RASSF4: variants seen among roughly 807,000 people sequenced by gnomAD.
RASSF4 encodes the protein Ras association domain family member 4, also known as ras association domain-containing protein 4.
A neutral mutation model predicts 41.1 loss-of-function variants in RASSF4; 38 were observed. That is an observed-to-expected ratio of 0.92 (90% CI 0.71 to 1.21). The LOEUF (loss-of-function observed/expected upper bound fraction) is 1.21, where lower values mean the gene tolerates loss of function less well. RASSF4 is among the 50% of genes most tolerant of loss of function. The pLI is 0.00. For synonymous variants in RASSF4, 179 were observed against 163.4 expected, an observed-to-expected ratio of 1.10 and a Z score of -0.73; for missense variants, 414 against 419.4, an observed-to-expected ratio of 0.99 and a Z score of 0.11.
intron 3 of RASSF4, chr10:44,977,369 C>G (rs780815011): frequency 1.3e-6 from 2 of 1,546,322 alleles, no homozygotes; most frequent in Non-Finnish European, 1.7e-6. Context: ...ATGCTCTCTA[C>G]AGAAGCCTTT....
chr10:44,985,234 C>T (rs1441830646), intron 6 of RASSF4, among the ~76,000 whole-genome samples: 1 of 152,238 alleles, frequency 6.6e-6, no homozygotes, highest in Non-Finnish European at 1.5e-5. Flanking sequence ...CTGACCGTGT[C>T]TTCAATGAGG....
intron 3 of RASSF4, among the ~76,000 whole-genome samples, chr10:44,975,694 C>T (rs1841395223): frequency 6.7e-6 from 1 of 149,868 alleles, no homozygotes; most frequent in Non-Finnish European, 1.5e-5. Flanking sequence ...GGCCTCTCTG[C>T]AGGAGCTTGG....
intron 8 of RASSF4, 145 bp downstream of exon 8, chr10:44,989,866 C>T (rs1842047685): frequency 1.4e-6 from 1 of 724,554 alleles, no homozygotes; most frequent in Middle Eastern, 2.4e-4. Context: ...CACTGTGCCT[C>T]CCAGCATGAA....
intron 8 of RASSF4, 104 bp downstream of exon 8, chr10:44,989,825 T>C (rs569429196): frequency 5.7e-6 from 6 of 1,046,712 alleles, no homozygotes; most frequent in South Asian, 5.2e-5. Flanking sequence ...CCAGATGGGC[T>C]CCGTGCTGGC....
chr10:44,971,587 G>C, intron 2 of RASSF4, 186 bp from the exon 3 acceptor site: 2 of 692,656 alleles, frequency 2.9e-6, no homozygotes, highest in Non-Finnish European at 5.3e-6. Context: ...CCCCACCAGG[G>C]CCATGTGCAG....
intron 1 of RASSF4, among the ~76,000 whole-genome samples, chr10:44,969,828 C>T (rs1171218977): frequency 1.3e-5 from 2 of 152,212 alleles, no homozygotes; most frequent in African/African-American, 4.8e-5. Context: ...GAGGCAGAAG[C>T]CAGTAGTCAG....
chr10:44,976,325 A>C (rs958087894), intron 3 of RASSF4: 3 of 152,258 alleles, frequency 2.0e-5, no homozygotes, highest in African/African-American at 7.2e-5. Context: ...AAACACACTT[A>C]ACAGAAGACA....
Position 44,994,943 on chromosome 10 carries a change from T to C in RASSF4, c.*1614T>C, listed in dbSNP as rs1392773314. ...CCATGGAACACGCAGGCGTCACTGG[T>C]GGGAGCCTAGAGGTGACCTGGATGA... On this transcript the variant is annotated 3_prime_UTR_variant, in exon 11 of 11. Coordinates refer to ENST00000340258, the MANE Select transcript of RASSF4 (RefSeq NM_032023.4). The C allele has an allele frequency of 6.6e-6, 1 of 152,020 alleles. No individual in the cohort carries two copies. The highest frequency in any genetic ancestry group is 2.4e-5 in the African/African-American group (1 of 41,358). 9.4% of individuals were successfully genotyped at this position (152,020 alleles called of 1,614,324 possible).
intron 3 of RASSF4, chr10:44,982,251 G>A: frequency 2.0e-6 from 1 of 500,946 alleles, no homozygotes; most frequent in Non-Finnish European, 3.5e-6. Context: ...CCGGCCAGCA[G>A]CTGGCTTCCT....
intron 10 of RASSF4, among the ~76,000 whole-genome samples, chr10:44,992,614 C>T (rs1842158551): frequency 1.3e-5 from 2 of 152,116 alleles, no homozygotes; most frequent in African/African-American, 2.4e-5. Flanking sequence ...AAGTGTGGTC[C>T]AGGACTTGTG....
rs757150052 is a variant in RASSF4, at chr10:44,971,675, C to T, written c.63-98C>T. 4.3e-6 allele frequency: 4 copies of T among 919,734 alleles called. No homozygotes were observed. In the East Asian group the frequency reaches 7.2e-5, roughly 17 times the overall value. The allele number at this position is 919,734 out of a possible 1,614,324, so 57.0% of individuals were successfully genotyped here. On this transcript the variant is annotated intron_variant, in intron 2 of 10. Coordinates refer to ENST00000340258, the MANE Select transcript of RASSF4 (RefSeq NM_032023.4). The stretch of plus-strand genomic sequence containing the variant: ...CCGGCGAGAAGGGTGCTGTCACACT[C>T]CTGTTACAAATGAGGAAACAGAGGC...
At chr10:44,961,777 G>A (rs1218569994) in intron 1 of RASSF4, among the ~76,000 whole-genome samples, 10 of 152,248 alleles carry the variant, frequency 6.6e-5, no homozygotes, top group African/African-American at 2.4e-4. Flanking sequence ...TAAGGTAACA[G>A]AGCCAGGCAG....
intron 3 of RASSF4, chr10:44,982,146 A>G: frequency 3.5e-6 from 1 of 288,132 alleles, no homozygotes; most frequent in Non-Finnish European, 6.6e-6. Flanking sequence ...ACCCCCTCCC[A>G]GGTGCAGTGT....
intron 8 of RASSF4, 179 bp from the exon 9 acceptor site, chr10:44,990,769 G>T (rs1329610239): frequency 7.6e-6 from 4 of 528,964 alleles, no homozygotes; most frequent in African/African-American, 1.9e-5. Context: ...AGATCTGGGG[G>T]CCCTGTTCTG....
At chr10:44,967,381 G>C (rs546458936) in intron 1 of RASSF4, among the ~76,000 whole-genome samples, 1 of 152,236 alleles carries the variant, frequency 6.6e-6, no homozygotes, top group African/African-American at 2.4e-5. Context: ...GCAGAGGGCC[G>C]GGGTGGTGAG....
intron 3 of RASSF4, chr10:44,978,494 C>T (rs1451405227): frequency 1.9e-5 from 3 of 155,848 alleles, no homozygotes; most frequent in African/African-American, 7.2e-5. Flanking sequence ...GCAAAGCCCT[C>T]TACAGACAGC....
chr10:44,966,322 A>G (rs1840901144), intron 1 of RASSF4, among the ~76,000 whole-genome samples: 1 of 152,156 alleles, frequency 6.6e-6, no homozygotes, highest in South Asian at 2.1e-4. Flanking sequence ...CCCACACACT[A>G]TAGGAGACCG....
Position 44,991,997 on chromosome 10 carries a change from C to T in RASSF4, c.900C>T (p.Thr300=), listed in dbSNP as rs537874868. The part of the protein sequence containing the change: ...EEEEREIIKL[T]MKFQALRLTM... ...AAGAAAGAGAAATAATCAAACTGACCATGAAGTAAGCAGCACTTAAACAGA... is the reference window on the plus strand; with the variant it reads ...AAGAAAGAGAAATAATCAAACTGACTATGAAGTAAGCAGCACTTAAACAGA... Residue 300 remains threonine, a synonymous_variant, in exon 10 of 11, where the codon ACC becomes ACT. Coordinates refer to ENST00000340258, the MANE Select transcript of RASSF4 (RefSeq NM_032023.4). 322 of 1,598,226 alleles carry T rather than the reference C, an allele frequency of 2.0e-4. 1 individual carries two copies. The South Asian group carries it at 3.4e-3, about 17-fold the overall frequency.
intron 3 of RASSF4, among the ~76,000 whole-genome samples, chr10:44,972,109 G>C (rs1841197317): frequency 6.6e-6 from 1 of 152,136 alleles, no homozygotes; most frequent in Admixed American, 6.5e-5. Context: ...CACCTTGGGG[G>C]TCTTCCCCCT....
Sources: gnomAD v4.1 joint callset for allele counts (sites outside exome capture counted in the v4.1 genomes callset) on GRCh38, gnomAD v4.1.1 for gene constraint, MANE v1.5 for transcripts, NCBI Gene and HGNC (gene_info 2026-07-23, HGNC 2026-07-21) for gene names.